BNC2: variants seen among roughly 807,000 people sequenced by gnomAD.
BNC2 encodes the protein basonuclin zinc finger protein 2, also known as zinc finger protein basonuclin-2.
Under a neutral mutation model 76.3 loss-of-function variants are expected in BNC2, and 20 were observed. The ratio of observed to expected loss-of-function variants is 0.26; its 90% CI spans 0.18 to 0.38. The LOEUF is 0.38. BNC2 is among the 10% of genes least tolerant of loss of function. The pLI is 1.00. For missense variants in BNC2, 1,382 were observed against 1,399.8 expected (o/e 0.99, Z 0.20); for synonymous variants, 582 against 514.8 (o/e 1.13, Z -1.77).
intron 5 of BNC2, among the ~76,000 whole-genome samples, chr9:16,439,133 G>A (rs1399752341): frequency 6.6e-6 from 1 of 152,108 alleles, no homozygotes; most frequent in Non-Finnish European, 1.5e-5. Context: ...TTTGCCTTCT[G>A]CCATGATTGT....
intron 5 of BNC2, among the ~76,000 whole-genome samples, chr9:16,464,334 C>A (rs992004277): frequency 1.3e-5 from 2 of 151,978 alleles, no homozygotes; most frequent in East Asian, 1.9e-4. Context: ...CTTTGCCATT[C>A]AGGTCATTAG....
chr9:16,861,353 G>A (rs1429512966), intron 1 of BNC2, among the ~76,000 whole-genome samples: 1 of 151,644 alleles, frequency 6.6e-6, no homozygotes, highest in African/African-American at 2.4e-5. Context: ...GAAAGACCCT[G>A]TCTCTTTAAA....
Position 16,459,187 on chromosome 9 carries a change from G to A in BNC2, c.670-21663C>T, listed in dbSNP as rs556064833. 4.1e-4 allele frequency among the ~76,000 whole-genome samples: 63 copies of A among 152,188 alleles called. No homozygotes were observed. In the South Asian group the frequency reaches 6.4e-3, roughly 16 times the overall value. On this transcript the variant is annotated intron_variant, in intron 5 of 6. Transcript: ENST00000380672. ...GAGTCAGAATTCAGTGTCATGAATC[G>A]GCCTGTGTCCTAGCATGCATTCTAA... is the stretch of plus-strand genomic sequence containing the variant.
At chr9:16,534,752 G>C (rs978075532) in intron 5 of BNC2, among the ~76,000 whole-genome samples, 1 of 152,090 alleles carries the variant, frequency 6.6e-6, no homozygotes, top group Non-Finnish European at 1.5e-5. Context: ...AAATAACCTA[G>C]ATATGATTTC....
intron 5 of BNC2, among the ~76,000 whole-genome samples, chr9:16,541,636 G>T (rs16934798): frequency 6.6e-6 from 1 of 152,186 alleles, no homozygotes; most frequent in African/African-American, 2.4e-5. Flanking sequence ...ATTTCTCAAT[G>T]TGTGTGCATG....
intron 5 of BNC2, among the ~76,000 whole-genome samples, chr9:16,498,060 C>CAT (rs1166079198): frequency 1.2e-4 from 16 of 138,294 alleles, no homozygotes; most frequent in South Asian, 2.3e-4. Flanking sequence ...TATATTCCAT[C>CAT]ATATATATAT....
At chr9:16,590,085 C>G (rs1252427335) in intron 3 of BNC2, among the ~76,000 whole-genome samples, 1 of 151,886 alleles carries the variant, frequency 6.6e-6, no homozygotes, top group East Asian at 2.0e-4. Context: ...ATGGCAAAAC[C>G]CGGTCTCTAC....
At chr9:16,682,066 G>T (rs926753333) in intron 3 of BNC2, among the ~76,000 whole-genome samples, 6 of 152,052 alleles carry the variant, frequency 3.9e-5, no homozygotes, top group African/African-American at 1.4e-4. Flanking sequence ...TATTTGGGGG[G>T]ATGTTGTGGA....
At chr9:16,760,785 G>C (rs1825530560) in intron 1 of BNC2, among the ~76,000 whole-genome samples, 1 of 152,126 alleles carries the variant, frequency 6.6e-6, no homozygotes, top group South Asian at 2.1e-4. Flanking sequence ...AATTGTGTTT[G>C]AATTCTAATG....
intron 3 of BNC2, among the ~76,000 whole-genome samples, chr9:16,722,936 A>G (rs1176073306): frequency 6.6e-6 from 1 of 152,204 alleles, no homozygotes; most frequent in African/African-American, 2.4e-5. Flanking sequence ...ACAAATACAA[A>G]TACCCAAATA....
chr9:16,499,890 ATCTTCAT>A (rs1822483136), intron 5 of BNC2, among the ~76,000 whole-genome samples: 1 of 151,866 alleles, frequency 6.6e-6, no homozygotes, highest in Non-Finnish European at 1.5e-5. Flanking sequence ...AATATGATCA[ATCTTCAT>A]TCTAACTACT....
intron 5 of BNC2, among the ~76,000 whole-genome samples, chr9:16,443,775 T>C (rs1821176815): frequency 2.0e-5 from 3 of 152,106 alleles, no homozygotes; most frequent in Admixed American, 6.5e-5. Context: ...TCCAAGCATA[T>C]GAAATTCTGG....
Position 16,631,164 on chromosome 9 carries a change from C to A in BNC2, c.331-48079G>T, listed in dbSNP as rs563345510. ...TAACCAAACTTACTTATCCTCTCCC[C>A]GATACCCAGTTTCCCAAGAGTATTC... is the stretch of plus-strand genomic sequence containing the variant. On this transcript the variant is annotated intron_variant, in intron 3 of 6. Coordinates refer to ENST00000380672, the MANE Select transcript of BNC2 (RefSeq NM_017637.6). Among the ~76,000 whole-genome samples, 7 of 152,264 alleles carry A rather than the reference C, an allele frequency of 4.6e-5. No individual in the cohort carries two copies. In the South Asian group the frequency reaches 1.5e-3, roughly 32 times the overall value.
At position 16,734,714 on chromosome 9, in the gene BNC2, C is replaced by A. The variant is rs577718247; in HGVS notation, c.129+3646G>T. Among the ~76,000 whole-genome samples the A allele has an allele frequency of 1.6e-4, 25 of 152,226 alleles. No homozygotes were observed. In the South Asian group the frequency reaches 4.8e-3, roughly 29 times the overall value. The stretch of plus-strand genomic sequence containing the variant: ...GTGTTTACACATAAGAACATGATAT[C>A]CAAGCCCGTGACAAAAGAAAAAATA... On this transcript the variant is annotated intron_variant, in intron 2 of 6. Transcript: ENST00000380672.
At chr9:16,659,606 C>A (rs78992540) in intron 3 of BNC2, among the ~76,000 whole-genome samples, 366 of 122,648 alleles carry the variant, frequency 3.0e-3, no homozygotes, top group South Asian at 4.3e-3. Flanking sequence ...GACTCCGTCT[C>A]AAAAAAAAAA....
chr9:16,658,178 T>A (rs999467525), intron 3 of BNC2, among the ~76,000 whole-genome samples: 1 of 152,162 alleles, frequency 6.6e-6, no homozygotes, highest in Non-Finnish European at 1.5e-5. Flanking sequence ...CAGTAATACA[T>A]GTAGAATGAG....
chr9:16,601,309 G>T, intron 3 of BNC2, among the ~76,000 whole-genome samples: 1 of 151,922 alleles, frequency 6.6e-6, no homozygotes, highest in African/African-American at 2.4e-5. Flanking sequence ...TTTGTACCTC[G>T]GGCACCTCAT....
intron 1 of BNC2, among the ~76,000 whole-genome samples, chr9:16,831,731 T>C (rs1818581772): frequency 6.6e-6 from 1 of 152,168 alleles, no homozygotes; most frequent in Non-Finnish European, 1.5e-5. Flanking sequence ...CTTAATCTAC[T>C]GTGTGTTTTA....
intron 3 of BNC2, among the ~76,000 whole-genome samples, chr9:16,699,981 T>G (rs1056279500): frequency 1.3e-5 from 2 of 152,236 alleles, no homozygotes; most frequent in African/African-American, 4.8e-5. Flanking sequence ...TTTAAAATAG[T>G]GATTTTGACA....
Sources: allele counts gnomAD v4.1 joint callset (sites outside exome capture counted in the v4.1 genomes callset), GRCh38; gene constraint gnomAD v4.1.1; transcripts MANE v1.5; gene names NCBI Gene and HGNC (gene_info 2026-07-23, HGNC 2026-07-21).